The following HERC4 variants were observed in gnomAD, a reference collection of about 807,000 sequenced individuals.
The protein encoded by HERC4 is HECT and RLD domain containing E3 ubiquitin protein ligase 4, also known as probable E3 ubiquitin-protein ligase HERC4.
Under a neutral mutation model 124.3 loss-of-function variants are expected in HERC4, and 28 were observed. The observed-to-expected ratio is 0.23, with a 90% CI of 0.17 to 0.31. The LOEUF (loss-of-function observed/expected upper bound fraction) is 0.31, where lower values mean the gene tolerates loss of function less well. Among genes scored for constraint, HERC4 ranks in the 10% least tolerant of loss-of-function variants. HERC4 has a pLI of 1.00. For synonymous variants in HERC4, 407 were observed against 421.5 expected, an observed-to-expected ratio of 0.97 and a Z score of 0.42; for missense variants, 713 against 1,229.3, an observed-to-expected ratio of 0.58 and a Z score of 6.28.
chr10:67,924,957 TACATGTACTG>T (rs2030716930), intron 24 of HERC4, 118 bp downstream of exon 24: 1 of 513,330 alleles, frequency 1.9e-6, no homozygotes, highest in Admixed American at 3.8e-5. Context: ...AATAAGAAAA[TACATGTACTG>T]AAGAGTGCAG....
chr10:67,927,430 A>ATTTTTTTTT (rs373401588), intron 23 of HERC4, among the ~76,000 whole-genome samples: 21 of 37,904 alleles, frequency 5.5e-4, no homozygotes, highest in African/African-American at 1.0e-3. Context: ...ATATATATAT[A>ATTTTTTTTT]TTTTTTTTTT....
intron 16 of HERC4, chr10:67,960,820 C>A: frequency 7.6e-6 from 2 of 261,604 alleles, no homozygotes; most frequent in South Asian, 8.6e-5. Context: ...TTTCCCAGTT[C>A]AAACTTGGGC....
chr10:68,032,743 T>A (rs377141598), intron 7 of HERC4, 35 bp downstream of exon 7: 51 of 1,011,438 alleles, frequency 5.0e-5, no homozygotes, highest in Non-Finnish European at 7.0e-5. Flanking sequence ...AGAACTATGA[T>A]GAGTAATAAT....
At chr10:67,996,101 T>C in intron 9 of HERC4, 1 of 440,128 alleles carries the variant, frequency 2.3e-6, no homozygotes, top group South Asian at 1.6e-5. Flanking sequence ...AGCCCAGGAG[T>C]TCAAGACCAG....
intron 3 of HERC4, among the ~76,000 whole-genome samples, chr10:68,061,720 A>T (rs1443787598): frequency 1.3e-5 from 2 of 151,066 alleles, no homozygotes; most frequent in Non-Finnish European, 2.9e-5. Context: ...CTCTACTAAA[A>T]ATACAAAAAA....
intron 2 of HERC4, 45 bp from the exon 3 acceptor site, chr10:68,073,231 A>T (rs747484412): frequency 4.4e-6 from 3 of 678,692 alleles, no homozygotes; most frequent in Non-Finnish European, 7.5e-6. Flanking sequence ...AGAAAAAAGG[A>T]TGTATAATTG....
intron 4 of HERC4, among the ~76,000 whole-genome samples, chr10:68,038,700 G>A (rs555685753): frequency 2.0e-5 from 3 of 152,134 alleles, no homozygotes; most frequent in African/African-American, 4.8e-5. Flanking sequence ...TTTGCTTTAC[G>A]TCTAAATCAG....
chr10:67,970,212 G>A (rs2035147558), intron 15 of HERC4, among the ~76,000 whole-genome samples: 2 of 152,116 alleles, frequency 1.3e-5, no homozygotes, highest in Non-Finnish European at 2.9e-5. Context: ...AGATAGTAGA[G>A]GTGTACCAAT....
intron 19 of HERC4, among the ~76,000 whole-genome samples, chr10:67,951,081 G>A (rs1389602004): frequency 6.6e-6 from 1 of 152,126 alleles, no homozygotes; most frequent in African/African-American, 2.4e-5. Flanking sequence ...CACCAGCCAA[G>A]GTGAGATAGA....
intron 3 of HERC4, among the ~76,000 whole-genome samples, chr10:68,061,190 C>T (rs2040991952): frequency 6.6e-6 from 1 of 152,200 alleles, no homozygotes; most frequent in South Asian, 2.1e-4. Flanking sequence ...CAACTTATAC[C>T]TATGTCATTG....
intron 15 of HERC4, among the ~76,000 whole-genome samples, chr10:67,973,092 G>A (rs912727570): frequency 1.3e-5 from 2 of 152,108 alleles, no homozygotes; most frequent in Non-Finnish European, 2.9e-5. Flanking sequence ...AACAACTGCT[G>A]AATCTAGAAT....
intron 15 of HERC4, among the ~76,000 whole-genome samples, chr10:67,985,362 G>A (rs547818929): frequency 1.3e-5 from 2 of 152,172 alleles, no homozygotes; most frequent in Admixed American, 6.5e-5. Context: ...GAAGTCACAC[G>A]GTAGAAGTTC....
At chr10:67,934,949 C>T (rs2032201141) in intron 22 of HERC4, among the ~76,000 whole-genome samples, 1 of 148,768 alleles carries the variant, frequency 6.7e-6, no homozygotes, top group Admixed American at 6.7e-5. Context: ...TCATTCATTC[C>T]AATTCTTTCA....
chr10:68,035,371 T>C (rs1050101762), intron 5 of HERC4, among the ~76,000 whole-genome samples: 1 of 152,140 alleles, frequency 6.6e-6, no homozygotes, highest in Non-Finnish European at 1.5e-5. Context: ...GTGGCGAGGC[T>C]GGTCTCGAAC....
intron 19 of HERC4, among the ~76,000 whole-genome samples, chr10:67,942,015 T>C (rs1467664071): frequency 1.3e-5 from 2 of 152,158 alleles, no homozygotes; most frequent in African/African-American, 4.8e-5. Flanking sequence ...GTTGCTAAAT[T>C]TAGCTGTTTT....
chr10:68,044,705 C>T (rs894852581), intron 3 of HERC4, 142 bp from the exon 4 acceptor site: 6 of 706,138 alleles, frequency 8.5e-6, no homozygotes, highest in African/African-American at 7.2e-5. Flanking sequence ...CTTAAACACA[C>T]ACTAGATATA....
At position 68,005,982 on chromosome 10, in the gene HERC4, G is replaced by C. The variant is rs2037520924; in HGVS notation, c.1069+8044C>G. Among the ~76,000 whole-genome samples, 6 of 152,088 alleles carry C rather than the reference G, an allele frequency of 3.9e-5. No homozygotes were observed. In the South Asian group the frequency reaches 1.2e-3, roughly 32 times the overall value. The stretch of plus-strand genomic sequence containing the variant: ...TTCTGATCTGATCTGAGGTTACCAG[G>C]CTTGCAAACAACATCTTAACTGATG... On this transcript the variant is annotated intron_variant, in intron 9 of 24. Transcript: ENST00000373700.
At chr10:67,960,285 C>G (rs1305830328) in intron 16 of HERC4, among the ~76,000 whole-genome samples, 1 of 152,216 alleles carries the variant, frequency 6.6e-6, no homozygotes, top group Non-Finnish European at 1.5e-5. Flanking sequence ...ACAACAGAAG[C>G]TCTGCCTCTG....
At chr10:67,940,373 G>A (rs146090632) in intron 20 of HERC4, among the ~76,000 whole-genome samples, 128 of 151,942 alleles carry the variant, frequency 8.4e-4, no homozygotes, top group African/African-American at 3.0e-3. Context: ...ACTTTCCTAA[G>A]GTGATTATCT....
Sources: gnomAD v4.1 joint callset for allele counts (sites outside exome capture counted in the v4.1 genomes callset) on GRCh38, gnomAD v4.1.1 for gene constraint, MANE v1.5 for transcripts, NCBI Gene and HGNC (gene_info 2026-07-23, HGNC 2026-07-21) for gene names.